Variants in CDKL3 observed in about 807,000 individuals in gnomAD.
CDKL3 encodes cyclin dependent kinase like 3.
In CDKL3, 65 loss-of-function variants were observed where a neutral mutation model predicts 69.3. That is an observed-to-expected ratio of 0.94 (90% confidence interval 0.77 to 1.15). The LOEUF (loss-of-function observed/expected upper bound fraction) is 1.15, where lower values mean the gene tolerates loss of function less well. Among genes scored for constraint, CDKL3 ranks in the 50% most tolerant of loss-of-function variants. CDKL3 has a pLI of 0.00. For synonymous variants in CDKL3, 202 were observed against 221.6 expected (o/e 0.91, Z 0.79); for missense variants, 652 against 689.2 (o/e 0.95, Z 0.61).
rs1450601076 is a variant in CDKL3 at position 134,360,085 on chromosome 5, G to A, written c.172C>T (p.His58Tyr). ...ATCAGATTGACCAGGTTTTCGTGAT[G>A]AAATTGCTATTGACAAAAGAAACAA... ...MREIKFLKQF[H>Y]HENLVNLIEV... The change falls in exon 3 of 13, where the codon CAT (histidine) becomes TAT (tyrosine). Residue 58 changes from histidine (H) to tyrosine (Y), a missense_variant. Transcript: ENST00000265334. 1.1e-5 allele frequency: 17 copies of A among 1,530,278 alleles called. No homozygotes were observed. The highest frequency in any genetic ancestry group is 1.4e-5 in the Non-Finnish European group (16 of 1,140,282). 94.8% of individuals were successfully genotyped at this position (1,530,278 alleles called of 1,614,324 possible). A position where few individuals can be genotyped will look rare whatever the true frequency, so the allele number is the denominator to read the frequency against.
chr5:134,301,354 T>G (rs1025304780), intron 12 of CDKL3, among the ~76,000 whole-genome samples: 1 of 152,126 alleles, frequency 6.6e-6, no homozygotes, highest in Non-Finnish European at 1.5e-5. Flanking sequence ...GTGGAGTTCT[T>G]AACAAGCTCT....
At chr5:134,320,853 G>A (rs1405754520) in intron 5 of CDKL3, among the ~76,000 whole-genome samples, 1 of 147,880 alleles carries the variant, frequency 6.8e-6, no homozygotes, top group African/African-American at 2.5e-5. Flanking sequence ...CAGCCTGGGT[G>A]ACAGAGCGAG....
At chr5:134,353,565 TTTTTTGA>T (rs1209099260) in intron 3 of CDKL3, among the ~76,000 whole-genome samples, 2 of 151,800 alleles carry the variant, frequency 1.3e-5, no homozygotes, top group Non-Finnish European at 1.5e-5. Context: ...TTTTTTTTTT[TTTTTTGA>T]GACAGAGTCT....
At chr5:134,289,637 C>G (rs117289534) in intron 8 of CDKL3, among the ~76,000 whole-genome samples, 2 of 152,186 alleles carry the variant, frequency 1.3e-5, no homozygotes, top group African/African-American at 4.8e-5. Flanking sequence ...TACATTAGTT[C>G]GTCCAACAGG....
chr5:134,298,315 A>C, downstream of CDKL3: 1 of 1,035,762 alleles, frequency 9.7e-7, no homozygotes, highest in Non-Finnish European at 1.2e-6. Context: ...GAGATAACTG[A>C]CTCGAAGTTA....
intron 7 of CDKL3, among the ~76,000 whole-genome samples, chr5:134,309,608 A>G (rs928241915): frequency 6.6e-6 from 1 of 152,186 alleles, no homozygotes; most frequent in Non-Finnish European, 1.5e-5. Context: ...CCTGAACTGC[A>G]CAAGTCCCCT....
In CDKL3 at chr5:134,360,034, TTTTC is replaced by T. The variant is rs773985237; in HGVS notation, c.219_222del (p.Lys74PhefsTer13). ...TCAATAAATTCAAATACCAAATGAA[TTTTC>T]TTTTTCTGTCTAAAAACTTCAATCA... On this transcript the variant is annotated frameshift_variant, in exon 3 of 13. Transcript: ENST00000265334. LOFTEE classifies it high-confidence loss of function. 1.2e-5 allele frequency: 18 copies of T among 1,553,642 alleles called. 1 individual carries two copies. Among genetic ancestry groups the T allele is most frequent in the Middle Eastern group, 1.7e-4 (1 of 5,748 alleles).
chr5:134,348,977 G>A (rs1485340121), intron 4 of CDKL3, among the ~76,000 whole-genome samples: 2 of 152,118 alleles, frequency 1.3e-5, no homozygotes, highest in Non-Finnish European at 2.9e-5. Flanking sequence ...AGGTACCCAG[G>A]GGAATGGATT....
At position 134,319,440 on chromosome 5, in the gene CDKL3, A is replaced by AC. The variant is rs750507844; in HGVS notation, c.709dup (p.Val237GlyfsTer20). ...GGGGTGTTGAACTTGAGGAAGAACT[A>AC]CCCCAGCAAAAATGGGGCTCTTGGA... On this transcript the variant is annotated frameshift_variant, in exon 6 of 13. Transcript: ENST00000265334. LOFTEE classifies it high-confidence loss of function. 89 of 1,540,012 alleles carry AC rather than the reference A, an allele frequency of 5.8e-5. 1 individual carries two copies. The highest frequency in any genetic ancestry group is 7.4e-5 in the Non-Finnish European group (85 of 1,143,890).
upstream of CDKL3, among the ~76,000 whole-genome samples, chr5:134,370,679 G>C (rs1019744112): frequency 6.6e-6 from 1 of 152,168 alleles, no homozygotes; most frequent in African/African-American, 2.4e-5. Context: ...TCCAATACTA[G>C]AAACCCCACT....
At chr5:134,352,917 T>G (rs929573654) in intron 3 of CDKL3, among the ~76,000 whole-genome samples, 2 of 152,174 alleles carry the variant, frequency 1.3e-5, no homozygotes, top group Non-Finnish European at 2.9e-5. Flanking sequence ...GCAGAAGTTT[T>G]TTTGTTTAAT....
intron 11 of CDKL3, among the ~76,000 whole-genome samples, chr5:134,303,669 C>CG (rs1491324816): frequency 1.3e-5 from 1 of 75,274 alleles, no homozygotes; most frequent in African/African-American, 7.4e-5. Flanking sequence ...AATGGTGGAA[C>CG]CCCCCCCCCG....
chr5:134,344,942 G>A (rs1378265058), intron 4 of CDKL3, among the ~76,000 whole-genome samples: 1 of 152,050 alleles, frequency 6.6e-6, no homozygotes, highest in African/African-American at 2.4e-5. Flanking sequence ...CCATGCGCCT[G>A]TAGTCCCAGC....
chr5:134,305,319 G>A (rs1032589783), intron 10 of CDKL3, among the ~76,000 whole-genome samples: 5 of 151,834 alleles, frequency 3.3e-5, no homozygotes, highest in African/African-American at 7.3e-5. Flanking sequence ...CCGTTATGTC[G>A]CCCAGGCTGA....
chr5:134,316,572 G>A lies in CDKL3; in HGVS notation c.792+2786C>T, dbSNP rs560196429. Among the ~76,000 whole-genome samples, 13 of 151,800 alleles carry A rather than the reference G, an allele frequency of 8.6e-5. No homozygotes were observed. In the South Asian group the frequency reaches 1.7e-3, roughly 19 times the overall value. On this transcript the variant is annotated intron_variant, in intron 6 of 12. Coordinates refer to ENST00000265334, the MANE Select transcript of CDKL3 (RefSeq NM_001113575.2). Reference sequence around the variant, plus strand: ...AGATCGTGCCACTGCACTGCAGCCTGGGTGACAGAGCGAGACTCCATCTCA... The same window carrying A: ...AGATCGTGCCACTGCACTGCAGCCTAGGTGACAGAGCGAGACTCCATCTCA...
rs182795039 is a variant in CDKL3, at chr5:134,326,791, G to A, written c.540-4888C>T. Among the ~76,000 whole-genome samples, 20 of 141,814 alleles carry A rather than the reference G, an allele frequency of 1.4e-4. No homozygotes were observed. In the South Asian group the frequency reaches 3.6e-3, roughly 25 times the overall value. 93.0% of individuals were successfully genotyped at this position (141,814 alleles called of 152,430 possible). On this transcript the variant is annotated intron_variant, in intron 4 of 12. Transcript: ENST00000265334. ...TTTTTTAAACACAAATACTTAAAGC[G>A]TGTGTGTATATATATATATGTGTGT...
intron 3 of CDKL3, among the ~76,000 whole-genome samples, chr5:134,353,025 C>T (rs1057491654): frequency 2.6e-5 from 4 of 152,134 alleles, no homozygotes; most frequent in East Asian, 1.9e-4. Flanking sequence ...ACTTTTCCCA[C>T]GTTTTCTTCT....
chr5:134,352,608 C>G (rs1753595618), intron 3 of CDKL3, among the ~76,000 whole-genome samples: 1 of 151,896 alleles, frequency 6.6e-6, no homozygotes, highest in African/African-American at 2.4e-5. Context: ...GCAACCTTTG[C>G]CCATTTTTTA....
At chr5:134,297,095 G>A (rs1765399661), downstream of CDKL3, among the ~76,000 whole-genome samples, 1 of 151,792 alleles carries the variant, frequency 6.6e-6, no homozygotes, top group South Asian at 2.1e-4. Context: ...GGGATTACAG[G>A]CGTGCACCAC....
Sources: gnomAD v4.1 joint callset for allele counts (sites outside exome capture counted in the v4.1 genomes callset) on GRCh38, gnomAD v4.1.1 for gene constraint, MANE v1.5 for transcripts, NCBI Gene and HGNC (gene_info 2026-07-23, HGNC 2026-07-21) for gene names.